Variants in ACSF2 observed in about 807,000 individuals in gnomAD.
ACSF2 encodes the protein medium-chain acyl-CoA ligase ACSF2, mitochondrial.
A neutral mutation model predicts 79.3 loss-of-function variants in ACSF2; 52 were observed. That is an observed-to-expected ratio of 0.66 (90% CI 0.53 to 0.83). The LOEUF (loss-of-function observed/expected upper bound fraction) is 0.83, where lower values mean the gene tolerates loss of function less well. Ranked by LOEUF, ACSF2 falls within the 40% of genes least tolerant of loss-of-function variation. The pLI is 0.00. For missense variants in ACSF2, 661 were observed against 803.3 expected, an observed-to-expected ratio of 0.82 and a Z score of 2.14; for synonymous variants, 283 against 312.6, an observed-to-expected ratio of 0.91 and a Z score of 1.00.
intron 1 of ACSF2, among the ~76,000 whole-genome samples, chr17:50,442,524 G>C (rs2031005125): frequency 1.3e-5 from 2 of 151,986 alleles, no homozygotes; most frequent in African/African-American, 4.8e-5. Context: ...GGCATGCAGT[G>C]ACACATTCAT....
intron 1 of ACSF2, among the ~76,000 whole-genome samples, chr17:50,431,895 CTT>C (rs1567835584): frequency 6.6e-6 from 1 of 151,580 alleles, no homozygotes; most frequent in East Asian, 1.9e-4. Flanking sequence ...TTAAACTTGA[CTT>C]TTTTTTTCTT....
At chr17:50,434,932 G>A (rs575670654) in intron 1 of ACSF2, among the ~76,000 whole-genome samples, 17 of 151,884 alleles carry the variant, frequency 1.1e-4, no homozygotes, top group South Asian at 6.2e-4. Flanking sequence ...GTGCAATGGC[G>A]CAATCTTGGC....
chr17:50,470,920 T>A, intron 10 of ACSF2, 108 bp from the exon 11 acceptor site: 1 of 840,348 alleles, frequency 1.2e-6, no homozygotes, highest in Non-Finnish European at 2.0e-6. Flanking sequence ...TCGGCTGCCC[T>A]CCACTTTCCC....
In ACSF2 at chr17:50,471,018, G is replaced by A. The variant is rs779282944; in HGVS notation, c.1216-10G>A. 1.9e-6 allele frequency: 3 copies of A among 1,610,982 alleles called. No individual in the cohort carries two copies. The highest frequency in any genetic ancestry group is 2.5e-6 in the Non-Finnish European group (3 of 1,177,314). ...GAGCCCTCTTCAAACACCCTTTCTG[G>A]ACCCTCTAGGTTGCTTATGGAACCA... is the stretch of plus-strand genomic sequence containing the variant. On this transcript the variant is annotated splice_polypyrimidine_tract_variant and intron_variant, in intron 10 of 15. Coordinates refer to ENST00000300441, the MANE Select transcript of ACSF2 (RefSeq NM_025149.6). This position sits in a 1 kb window ranked among gnomAD's most constrained non-coding sequence, Gnocchi z 4.1.
At chr17:50,443,450 G>A (rs574589707) in intron 1 of ACSF2, among the ~76,000 whole-genome samples, 2 of 152,300 alleles carry the variant, frequency 1.3e-5, no homozygotes, top group South Asian at 2.1e-4. Context: ...AAGCTCTTAA[G>A]TATCAGATTT....
intron 1 of ACSF2, among the ~76,000 whole-genome samples, chr17:50,430,147 A>C (rs1915390339): frequency 6.6e-6 from 1 of 152,148 alleles, no homozygotes; most frequent in Admixed American, 6.5e-5. Flanking sequence ...GGATCCAGTG[A>C]CTTGGTGCTG....
Position 50,463,406 on chromosome 17 carries a change from G to A in ACSF2, c.900G>A (p.Gln300=). The change falls in exon 8 of 16, where the codon CAG becomes CAA. Residue 300 remains glutamine, a synonymous_variant. Transcript: ENST00000300441. The surrounding 1 kb of genome is among the most constrained non-coding windows in gnomAD (Gnocchi z 4.6). ...RLKLHEKTPE[Q]LRMILPNPLY... The stretch of plus-strand genomic sequence containing the variant: ...GTCTCCATCACCAGACACCAGAGCA[G>A]TTGCGGATGATCCTGCCCAACCCCC... 1 of 1,614,034 alleles carries A rather than the reference G, an allele frequency of 6.2e-7. No individual in the cohort carries two copies. The highest frequency in any genetic ancestry group is 1.6e-4 in the Middle Eastern group (1 of 6,062).
At chr17:50,449,262 C>G (rs1169287428) in intron 1 of ACSF2, among the ~76,000 whole-genome samples, 2 of 151,960 alleles carry the variant, frequency 1.3e-5, no homozygotes, top group African/African-American at 2.4e-5. Context: ...GGCAATCTGC[C>G]TCCCTCGGCC....
chr17:50,451,141 G>A (rs59694638), intron 1 of ACSF2, among the ~76,000 whole-genome samples: 1,549 of 152,186 alleles, frequency 0.01, 18 homozygotes, highest in African/African-American at 0.034. Context: ...ATCTCACTAT[G>A]TTGCCCAGAC....
At chr17:50,461,766 C>A (rs369697575) in intron 4 of ACSF2, 80 bp downstream of exon 4, 1 of 1,541,240 alleles carries the variant, frequency 6.5e-7, no homozygotes. Flanking sequence ...CAGAGTCTGA[C>A]GGTGTGAGCT....
intron 10 of ACSF2, among the ~76,000 whole-genome samples, chr17:50,466,894 C>A (rs1288628171): frequency 6.6e-6 from 1 of 152,246 alleles, no homozygotes; most frequent in Admixed American, 6.5e-5. Context: ...GGGACTCCAA[C>A]TTCAGCTGGG....
At chr17:50,442,344 T>C (rs1002461647) in intron 1 of ACSF2, among the ~76,000 whole-genome samples, 1 of 103,878 alleles carries the variant, frequency 9.6e-6, no homozygotes, top group African/African-American at 3.8e-5. Context: ...TTTTTTTTTT[T>C]GTAGAGACTG....
In ACSF2 at chr17:50,464,293, T is replaced by C; in HGVS notation, c.1214T>C (p.Val405Ala). Residue 405 changes from valine to alanine, a missense_variant and splice_region_variant, in exon 10 of 16, where the codon GTG becomes GCG. Val to Ala is a moderately conservative substitution (Grantham distance 64, BLOSUM62 0). Transcript: ENST00000300441. Reference protein sequence around the residue: ...IINKINMKDLVVAYGTTENSP... With the variant: ...IINKINMKDLAVAYGTTENSP... ...AACAAGATAAATATGAAGGACCTGGTGGTGAGTGGTGACTGCGGCCCGGGC... is the reference window on the plus strand; with the variant it reads ...AACAAGATAAATATGAAGGACCTGGCGGTGAGTGGTGACTGCGGCCCGGGC... 1 of 1,613,782 alleles carries C rather than the reference T, an allele frequency of 6.2e-7. No individual in the cohort carries two copies. The highest frequency in any genetic ancestry group is 1.1e-5 in the South Asian group (1 of 91,058).
At chr17:50,449,237 G>A (rs981406820) in intron 1 of ACSF2, among the ~76,000 whole-genome samples, 83 of 151,580 alleles carry the variant, frequency 5.5e-4, no homozygotes, top group South Asian at 6.2e-4. Flanking sequence ...GGGTGCTCTC[G>A]AACTCCTGAG....
rs2032285228 is a variant in ACSF2, at chr17:50,460,783, G to A, written c.235G>A (p.Glu79Lys). 1 of 1,613,084 alleles carries A rather than the reference G, an allele frequency of 6.2e-7. No individual in the cohort carries two copies. The highest frequency in any genetic ancestry group is 1.1e-5 in the South Asian group (1 of 90,770). Residue 79 changes from glutamate (E) to lysine (K), a missense_variant, in exon 2 of 16, where the codon GAG becomes AAG. Physicochemically the swap from Glu to Lys is moderately conservative, Grantham distance 56 (BLOSUM62 1). Coordinates refer to ENST00000300441, the MANE Select transcript of ACSF2 (RefSeq NM_025149.6). The part of the protein sequence containing the change: ...LNSKTVGQCL[E>K]TTAQRVPERE... Reference sequence around the variant, plus strand: ...CAGCAAGACTGTGGGCCAGTGCCTGGAGACCACAGCACAGAGGGTCCCAGA... The same window carrying A: ...CAGCAAGACTGTGGGCCAGTGCCTGAAGACCACAGCACAGAGGGTCCCAGA...
chr17:50,451,539 T>C (rs1347469079), intron 1 of ACSF2, among the ~76,000 whole-genome samples: 1 of 152,220 alleles, frequency 6.6e-6, no homozygotes, highest in Non-Finnish European at 1.5e-5. Flanking sequence ...AAACTCCACC[T>C]TTCAGGTTCA....
intron 10 of ACSF2, chr17:50,464,770 G>T (rs1435300152): frequency 1.2e-5 from 2 of 163,354 alleles, no homozygotes; most frequent in Non-Finnish European, 2.3e-5. Context: ...TGATTGACTT[G>T]GGGGGGGGGT....
chr17:50,452,194 TA>T (rs1171772527), intron 1 of ACSF2, among the ~76,000 whole-genome samples: 1 of 152,212 alleles, frequency 6.6e-6, no homozygotes, highest in Non-Finnish European at 1.5e-5. Context: ...ACACCCATGC[TA>T]AGTAGCTGAT....
chr17:50,463,933 A>G lies in ACSF2; in HGVS notation c.1138+24A>G. 1 of 1,605,360 alleles carries G rather than the reference A, an allele frequency of 6.2e-7. No individual in the cohort carries two copies. The highest frequency in any genetic ancestry group is 8.5e-7 in the Non-Finnish European group (1 of 1,173,230). On this transcript the variant is annotated intron_variant, in intron 9 of 15. Coordinates refer to ENST00000300441, the MANE Select transcript of ACSF2 (RefSeq NM_025149.6). This position sits in a 1 kb window ranked among gnomAD's most constrained non-coding sequence, Gnocchi z 4.6. ...AGGTGGGGTGGGGCCAAGGGCAGCCAGGCTTGGGGAGGGGGCTGCTTCCCC... is the reference window on the plus strand; with the variant it reads ...AGGTGGGGTGGGGCCAAGGGCAGCCGGGCTTGGGGAGGGGGCTGCTTCCCC...
Sources: gnomAD v4.1 joint callset for allele counts (sites outside exome capture counted in the v4.1 genomes callset) on GRCh38, gnomAD v4.1.1 for gene constraint, Gnocchi (gnomAD v3.1) non-coding constraint, MANE v1.5 for transcripts, NCBI Gene and HGNC (gene_info 2026-07-23, HGNC 2026-07-21) for gene names.